Variants in NCAM2 observed in about 807,000 individuals in gnomAD.
NCAM2 encodes the protein N-CAM-2.
A neutral mutation model predicts 98.1 loss-of-function variants in NCAM2; 30 were observed. The ratio of observed to expected loss-of-function variants is 0.31; its 90% CI spans 0.23 to 0.41. NCAM2 has a LOEUF of 0.41. NCAM2 is among the 10% of genes least tolerant of loss of function. NCAM2 has a pLI of 1.00. For missense variants in NCAM2, 867 were observed against 1,005.8 expected, an observed-to-expected ratio of 0.86 and a Z score of 1.87; for synonymous variants, 368 against 342.4, an observed-to-expected ratio of 1.07 and a Z score of -0.83.
At chr21:21,393,367 A>AT (rs1181680394) in intron 9 of NCAM2, among the ~76,000 whole-genome samples, 3 of 152,028 alleles carry the variant, frequency 2.0e-5, no homozygotes, top group Non-Finnish European at 2.9e-5. Context: ...CTTTTCTGTG[A>AT]TTTTTTCCAG....
At chr21:21,185,113 ATCT>A (rs1184258075) in intron 1 of NCAM2, among the ~76,000 whole-genome samples, 1 of 152,206 alleles carries the variant, frequency 6.6e-6, no homozygotes, top group African/African-American at 2.4e-5. Flanking sequence ...TGACAATTTA[ATCT>A]TCTGCAGTTA....
chr21:21,231,699 T>C (rs2070634112), intron 1 of NCAM2, among the ~76,000 whole-genome samples: 1 of 151,302 alleles, frequency 6.6e-6, no homozygotes, highest in Non-Finnish European at 1.5e-5. Context: ...TGAGGGGAAC[T>C]CATAATGAGA....
intron 14 of NCAM2, among the ~76,000 whole-genome samples, chr21:21,471,161 C>A (rs930524695): frequency 6.6e-6 from 1 of 151,788 alleles, no homozygotes; most frequent in Non-Finnish European, 1.5e-5. Flanking sequence ...CTGCCCAGCT[C>A]TTGTGCCTTC....
intron 1 of NCAM2, among the ~76,000 whole-genome samples, chr21:21,096,540 G>GT (rs553675169): frequency 3.3e-5 from 5 of 151,774 alleles, no homozygotes; most frequent in Non-Finnish European, 5.9e-5. Flanking sequence ...GAATTAAAAT[G>GT]TTTTTTTCTC....
At chr21:21,205,904 A>G (rs967270539) in intron 1 of NCAM2, among the ~76,000 whole-genome samples, 7 of 152,132 alleles carry the variant, frequency 4.6e-5, no homozygotes, top group Admixed American at 4.6e-4. Flanking sequence ...GGCTTATTAT[A>G]TAAGGGTTCT....
chr21:21,144,361 A>G (rs1465431538), intron 1 of NCAM2, among the ~76,000 whole-genome samples: 5 of 152,232 alleles, frequency 3.3e-5, no homozygotes, highest in Non-Finnish European at 2.9e-5. Context: ...AAAAAAAAAA[A>G]AATCAACATT....
intron 5 of NCAM2, among the ~76,000 whole-genome samples, chr21:21,300,169 A>G (rs74447225): frequency 6.8e-6 from 1 of 147,534 alleles, no homozygotes; most frequent in African/African-American, 2.5e-5. Context: ...CTTAAAAAAA[A>G]GGATATGGTG....
chr21:21,304,266 T>C (rs1165086702), intron 5 of NCAM2, among the ~76,000 whole-genome samples: 1 of 152,044 alleles, frequency 6.6e-6, no homozygotes, highest in Non-Finnish European at 1.5e-5. Flanking sequence ...TTTATGATAA[T>C]TTTTTCTTAA....
intron 9 of NCAM2, among the ~76,000 whole-genome samples, chr21:21,399,260 C>A (rs1237256933): frequency 6.6e-6 from 1 of 152,142 alleles, no homozygotes; most frequent in Non-Finnish European, 1.5e-5. Flanking sequence ...TTATTCTAGC[C>A]TCCATGTAAG....
At chr21:21,436,501 C>T (rs1978343562) in intron 12 of NCAM2, among the ~76,000 whole-genome samples, 4 of 152,098 alleles carry the variant, frequency 2.6e-5, no homozygotes, top group African/African-American at 9.7e-5. Context: ...TAATATATAA[C>T]ATATTATATT....
chr21:21,247,276 G>C (rs1229290564), intron 1 of NCAM2, among the ~76,000 whole-genome samples: 1 of 152,062 alleles, frequency 6.6e-6, no homozygotes, highest in African/African-American at 2.4e-5. Context: ...TCGAGATCTC[G>C]CCACTGCACT....
intron 1 of NCAM2, among the ~76,000 whole-genome samples, chr21:21,019,547 A>G (rs1036227828): frequency 6.6e-6 from 1 of 152,198 alleles, no homozygotes; most frequent in African/African-American, 2.4e-5. Flanking sequence ...CCATAGAATG[A>G]GGATAATAAT....
chr21:21,315,715 C>T (rs2074201208), intron 5 of NCAM2, among the ~76,000 whole-genome samples: 1 of 152,142 alleles, frequency 6.6e-6, no homozygotes, highest in Admixed American at 6.5e-5. Flanking sequence ...TGCCTTCAAT[C>T]CAGGCCATGG....
intron 1 of NCAM2, among the ~76,000 whole-genome samples, chr21:21,210,309 C>T (rs181547687): frequency 3.9e-5 from 6 of 152,218 alleles, no homozygotes; most frequent in East Asian, 3.9e-4. Flanking sequence ...TATTTACAAA[C>T]GGAAATAATT....
At chr21:21,516,147 A>T (rs1988699430) in intron 16 of NCAM2, among the ~76,000 whole-genome samples, 1 of 152,168 alleles carries the variant, frequency 6.6e-6, no homozygotes, top group Non-Finnish European at 1.5e-5. Context: ...TACTCCCCAA[A>T]GAACCACATC....
At chr21:21,279,389 C>T (rs1049118319) in intron 1 of NCAM2, among the ~76,000 whole-genome samples, 20 of 152,074 alleles carry the variant, frequency 1.3e-4, no homozygotes, top group Non-Finnish European at 2.9e-5. Context: ...GACAGAGTTT[C>T]ACTCTTGTTG....
chr21:21,530,290 A>T (rs1392221628), intron 16 of NCAM2, among the ~76,000 whole-genome samples: 1 of 125,354 alleles, frequency 8.0e-6, no homozygotes, highest in Non-Finnish European at 1.6e-5. Flanking sequence ...TAATTTAATT[A>T]TATATAATTA....
chr21:21,034,758 T>C (rs1182188381), intron 1 of NCAM2, among the ~76,000 whole-genome samples: 1 of 152,194 alleles, frequency 6.6e-6, no homozygotes, highest in Non-Finnish European at 1.5e-5. Context: ...GTATTTTTTT[T>C]CTCTCCAGTC....
chr21:21,466,192 G>C (rs1476779578), intron 12 of NCAM2, among the ~76,000 whole-genome samples: 1 of 151,956 alleles, frequency 6.6e-6, no homozygotes, highest in Non-Finnish European at 1.5e-5. Context: ...AAGCCAATCT[G>C]CATATTAAAT....
Sources: gnomAD v4.1 joint callset for allele counts (sites outside exome capture counted in the v4.1 genomes callset) on GRCh38, gnomAD v4.1.1 for gene constraint, MANE v1.5 for transcripts, NCBI Gene and HGNC (gene_info 2026-07-23, HGNC 2026-07-21) for gene names.